Variants in KCNT2 observed in about 807,000 individuals in gnomAD.
The protein encoded by KCNT2 is potassium channel subfamily T member 2.
KCNT2 carries 67 observed loss-of-function variants against 153.8 expected under a neutral mutation model. The observed-to-expected ratio is 0.44, with a 90% CI of 0.36 to 0.53. The LOEUF is 0.53. KCNT2 is among the 20% of genes least tolerant of loss of function. KCNT2 has a pLI of 0.00. For synonymous variants in KCNT2, 500 were observed against 458.8 expected (o/e 1.09, Z -1.15); for missense variants, 975 against 1,354.8 (o/e 0.72, Z 4.40).
intron 1 of KCNT2, among the ~76,000 whole-genome samples, chr1:196,551,400 A>G (rs1001946319): frequency 3.3e-5 from 5 of 151,882 alleles, no homozygotes; most frequent in South Asian, 2.1e-4. Flanking sequence ...TAAATCTGAG[A>G]GAACTTTTGT....
At chr1:196,305,722 T>G (rs1311298341) in intron 21 of KCNT2, among the ~76,000 whole-genome samples, 2 of 152,116 alleles carry the variant, frequency 1.3e-5, no homozygotes, top group African/African-American at 2.4e-5. Flanking sequence ...TGGCAAAAAT[T>G]TCACATAATG....
intron 27 of KCNT2, 88 bp from the exon 28 acceptor site, chr1:196,228,423 T>C: frequency 1.4e-6 from 1 of 713,352 alleles, no homozygotes; most frequent in South Asian, 1.8e-5. Flanking sequence ...TCTAATTTAT[T>C]TGTTCAGTTT....
At position 196,231,665 on chromosome 1, in the gene KCNT2, A is replaced by G. The variant is rs74133632; in HGVS notation, c.3297-3330T>C. Among the ~76,000 whole-genome samples, 446 of 151,926 alleles carry G rather than the reference A, an allele frequency of 2.9e-3. 4 individuals carry two copies. The highest frequency in any genetic ancestry group is 0.01 in the African/African-American group (431 of 41,530). On this transcript the variant is annotated intron_variant, in intron 27 of 27. Coordinates refer to ENST00000294725, the MANE Select transcript of KCNT2 (RefSeq NM_198503.5). ...CAGGAGGTGATCCCAAATGTTGTCAATGGAGACCACAGAGGATGGATGTTT... is the reference window on the plus strand; with the variant it reads ...CAGGAGGTGATCCCAAATGTTGTCAGTGGAGACCACAGAGGATGGATGTTT...
rs370772152 is a variant in KCNT2, at chr1:196,305,362, C to G, written c.2484-17G>C. ...GAAAACAACCTACATTTCAAAAGAA[C>G]ATTTGCATTACACTAACAATCCAAT... On this transcript the variant is annotated splice_polypyrimidine_tract_variant and intron_variant, in intron 21 of 27. Coordinates refer to ENST00000294725, the MANE Select transcript of KCNT2 (RefSeq NM_198503.5). The G allele has an allele frequency of 2.1e-5, 27 of 1,293,536 alleles. No homozygotes were observed. Among genetic ancestry groups the G allele is most frequent in the Non-Finnish European group, 2.8e-5 (25 of 889,328 alleles). 80.1% of individuals were successfully genotyped at this position (1,293,536 alleles called of 1,614,324 possible).
chr1:196,312,902 A>T (rs1455121663), intron 21 of KCNT2, among the ~76,000 whole-genome samples: 1 of 151,716 alleles, frequency 6.6e-6, no homozygotes, highest in Non-Finnish European at 1.5e-5. Flanking sequence ...TCTGATGCTT[A>T]CTGATGAGGG....
intron 26 of KCNT2, among the ~76,000 whole-genome samples, chr1:196,244,406 A>G (rs76962463): frequency 0.067 from 10,275 of 152,224 alleles, 479 homozygotes; most frequent in Non-Finnish European, 0.097. Flanking sequence ...TACTGTCCCC[A>G]GTACTAGGCC....
Position 196,373,165 on chromosome 1 carries a change from G to C in KCNT2, c.1378C>G (p.Leu460Val), listed in dbSNP as rs1370087973. Residue 460 changes from leucine (L) to valine (V), a missense_variant, in exon 14 of 28, where the codon CTA becomes GTA. This residue lies in a region of KCNT2 where 202 missense variants were observed against 314.9 expected (regional missense o/e 0.64). Coordinates refer to ENST00000294725, the MANE Select transcript of KCNT2 (RefSeq NM_198503.5). ...ICPATSTLIT[L>V]LVHTSRGQEG... is the part of the protein sequence containing the mutation. Reference sequence around the variant, plus strand: ...TGCCCTCTAGAGGTATGAACCAGTAGTGTAATAAGTGTAGATGTTGCTGGG... The same window carrying C: ...TGCCCTCTAGAGGTATGAACCAGTACTGTAATAAGTGTAGATGTTGCTGGG... 1 of 1,558,296 alleles carries C rather than the reference G, an allele frequency of 6.4e-7. No individual in the cohort carries two copies. Among genetic ancestry groups the C allele is most frequent in the Non-Finnish European group, 8.8e-7 (1 of 1,130,642 alleles).
chr1:196,286,289 C>G (rs1332162344), intron 22 of KCNT2, among the ~76,000 whole-genome samples: 2 of 151,530 alleles, frequency 1.3e-5, no homozygotes, highest in Non-Finnish European at 2.9e-5. Context: ...GGAGGTGGAA[C>G]CCTCATGAAT....
At chr1:196,441,595 T>C (rs1458637956) in intron 8 of KCNT2, among the ~76,000 whole-genome samples, 7 of 151,518 alleles carry the variant, frequency 4.6e-5, no homozygotes, top group Admixed American at 2.0e-4. Flanking sequence ...TATACTTCTT[T>C]AAACAAAATT....
At chr1:196,538,646 A>G (rs946754) in intron 1 of KCNT2, among the ~76,000 whole-genome samples, 149,693 of 152,274 alleles carry the variant, frequency 0.98, 73,622 homozygotes, top group Middle Eastern at 1. Context: ...CTCATGTAGC[A>G]TGGTTACATA....
At chr1:196,310,002 A>T (rs939930666) in intron 21 of KCNT2, among the ~76,000 whole-genome samples, 1 of 151,904 alleles carries the variant, frequency 6.6e-6, no homozygotes, top group Non-Finnish European at 1.5e-5. Context: ...TGCCTGCATT[A>T]ATTTATTCAA....
chr1:196,314,401 A>G (rs543263868), intron 21 of KCNT2, among the ~76,000 whole-genome samples: 104 of 151,690 alleles, frequency 6.9e-4, no homozygotes, highest in Non-Finnish European at 1.3e-3. Context: ...GAGAAAAAAA[A>G]TTTATATATC....
intron 21 of KCNT2, among the ~76,000 whole-genome samples, chr1:196,308,065 T>C (rs1478653569): frequency 6.6e-6 from 1 of 152,028 alleles, no homozygotes; most frequent in Non-Finnish European, 1.5e-5. Flanking sequence ...CACAAAGCCC[T>C]ATAAACTCAT....
intron 12 of KCNT2, among the ~76,000 whole-genome samples, chr1:196,421,062 T>G (rs1001473826): frequency 1.3e-4 from 20 of 152,096 alleles, no homozygotes; most frequent in South Asian, 6.2e-4. Flanking sequence ...AAACGCAGCT[T>G]GCTTCTAATT....
At chr1:196,282,154 A>G (rs940973321) in intron 24 of KCNT2, 119 bp downstream of exon 24, 3 of 507,186 alleles carry the variant, frequency 5.9e-6, no homozygotes, top group Non-Finnish European at 1.1e-5. Flanking sequence ...ACTCAAATGC[A>G]TCTGGATTCA....
intron 22 of KCNT2, among the ~76,000 whole-genome samples, chr1:196,298,062 G>C (rs1339986309): frequency 7.9e-5 from 12 of 152,116 alleles, no homozygotes; most frequent in Admixed American, 7.9e-4. Flanking sequence ...ATTTCTCCCA[G>C]AAGATATCTC....
intron 11 of KCNT2, among the ~76,000 whole-genome samples, chr1:196,424,162 G>T (rs1673449017): frequency 6.6e-6 from 1 of 151,334 alleles, no homozygotes; most frequent in African/African-American, 2.4e-5. Flanking sequence ...TTGTAAATAT[G>T]GTCGCTTTTA....
chr1:196,252,494 T>C (rs1012899441), intron 26 of KCNT2, among the ~76,000 whole-genome samples: 19 of 151,782 alleles, frequency 1.3e-4, no homozygotes, highest in African/African-American at 4.6e-4. Flanking sequence ...CCATTTCACA[T>C]GTAGTAGAAC....
intron 14 of KCNT2, 65 bp from the exon 15 acceptor site, chr1:196,342,293 A>C (rs1408025740): frequency 1.4e-6 from 2 of 1,440,726 alleles, no homozygotes; most frequent in Admixed American, 1.9e-5. Context: ...TGGTTAAAAA[A>C]CAGTTGTTAT....
Sources: allele counts gnomAD v4.1 joint callset (sites outside exome capture counted in the v4.1 genomes callset), GRCh38; gene constraint gnomAD v4.1.1; regional missense constraint gnomAD v4.1.1; transcripts MANE v1.5; gene names NCBI Gene and HGNC (gene_info 2026-07-23, HGNC 2026-07-21).